The following RAB27B variants were observed in gnomAD, a reference collection of about 807,000 sequenced individuals.
The protein encoded by RAB27B is ras-related protein Rab-27B.
A neutral mutation model predicts 24.6 loss-of-function variants in RAB27B; 15 were observed. The ratio of observed to expected loss-of-function variants is 0.61; its 90% CI spans 0.41 to 0.94. The LOEUF (loss-of-function observed/expected upper bound fraction) is 0.94, where lower values mean the gene tolerates loss of function less well. RAB27B is among the 40% of genes least tolerant of loss of function. The pLI is 0.00. For missense variants in RAB27B, 261 were observed against 266.8 expected (o/e 0.98, Z 0.15); for synonymous variants, 105 against 92.5 (o/e 1.14, Z -0.78).
At chr18:54,878,742 A>T (rs1233704297) in intron 2 of RAB27B, among the ~76,000 whole-genome samples, 1 of 81,496 alleles carries the variant, frequency 1.2e-5, no homozygotes, top group Non-Finnish European at 2.8e-5. Flanking sequence ...TTAAACAATA[A>T]AAAGGCCAGA....
At chr18:54,734,129 C>CA in intron 2 of RAB27B, among the ~76,000 whole-genome samples, 1 of 152,218 alleles carries the variant, frequency 6.6e-6, no homozygotes, top group Admixed American at 6.5e-5. Flanking sequence ...CAAATAATCA[C>CA]AATTAAATTT....
At chr18:54,740,117 G>A (rs184602520) in intron 2 of RAB27B, among the ~76,000 whole-genome samples, 3 of 152,130 alleles carry the variant, frequency 2.0e-5, no homozygotes, top group Non-Finnish European at 2.9e-5. Flanking sequence ...TTTGTTCATG[G>A]TCTGGTAACA....
intron 2 of RAB27B, among the ~76,000 whole-genome samples, chr18:54,787,420 G>C (rs1909121739): frequency 6.6e-6 from 1 of 152,158 alleles, no homozygotes; most frequent in African/African-American, 2.4e-5. Context: ...AAGGAGCTCT[G>C]AGTAAACCAA....
intron 2 of RAB27B, among the ~76,000 whole-genome samples, chr18:54,816,962 T>C (rs1910140695): frequency 6.6e-6 from 1 of 152,228 alleles, no homozygotes; most frequent in South Asian, 2.1e-4. Flanking sequence ...ATGTATTTGC[T>C]ATAGACTATT....
intron 2 of RAB27B, among the ~76,000 whole-genome samples, chr18:54,788,231 T>C (rs187078750): frequency 8.5e-4 from 130 of 152,342 alleles, no homozygotes; most frequent in African/African-American, 3.1e-3. Context: ...TTAATATTTG[T>C]ATGAGTAATT....
intron 1 of RAB27B, among the ~76,000 whole-genome samples, chr18:54,842,178 A>G (rs1323790938): frequency 6.6e-6 from 1 of 152,234 alleles, no homozygotes; most frequent in African/African-American, 2.4e-5. Context: ...CCAAATGATA[A>G]TTTCAAGTCA....
intron 2 of RAB27B, among the ~76,000 whole-genome samples, chr18:54,805,905 C>A (rs575381054): frequency 5.9e-5 from 9 of 152,214 alleles, no homozygotes; most frequent in Non-Finnish European, 1.0e-4. Context: ...AATGCAAGTA[C>A]CACTCCATCA....
chr18:54,817,475 A>G (rs886744225), intron 2 of RAB27B, among the ~76,000 whole-genome samples: 1 of 152,176 alleles, frequency 6.6e-6, no homozygotes, highest in Non-Finnish European at 1.5e-5. Flanking sequence ...TCTACTACCA[A>G]TAAATATTTT....
intron 3 of RAB27B, among the ~76,000 whole-genome samples, chr18:54,883,225 A>G (rs1229267999): frequency 6.6e-6 from 1 of 152,138 alleles, no homozygotes; most frequent in Admixed American, 6.6e-5. Flanking sequence ...CTAATGTGAA[A>G]GGCAGGGAAC....
At chr18:54,748,029 C>T (rs2145025884) in intron 2 of RAB27B, among the ~76,000 whole-genome samples, 1 of 152,028 alleles carries the variant, frequency 6.6e-6, no homozygotes, top group East Asian at 1.9e-4. Flanking sequence ...TGACTTGAGC[C>T]CAGGGAAGTG....
intron 1 of RAB27B, among the ~76,000 whole-genome samples, chr18:54,852,816 A>C (rs1911638640): frequency 6.6e-6 from 1 of 152,220 alleles, no homozygotes; most frequent in Non-Finnish European, 1.5e-5. Context: ...AAAATGAAAG[A>C]ATTGACTTAA....
intron 1 of RAB27B, among the ~76,000 whole-genome samples, chr18:54,853,521 G>A (rs1414476451): frequency 6.6e-6 from 1 of 152,128 alleles, no homozygotes; most frequent in Non-Finnish European, 1.5e-5. Flanking sequence ...AAAAGATAAT[G>A]CTGTGACAGC....
At chr18:54,781,467 T>A (rs1351346438) in intron 2 of RAB27B, among the ~76,000 whole-genome samples, 1 of 152,066 alleles carries the variant, frequency 6.6e-6, no homozygotes, top group Non-Finnish European at 1.5e-5. Context: ...ACACTATAAA[T>A]CCTTTCTTCC....
intron 2 of RAB27B, among the ~76,000 whole-genome samples, chr18:54,805,477 C>A (rs868108389): frequency 6.6e-6 from 1 of 152,132 alleles, no homozygotes; most frequent in East Asian, 1.9e-4. Context: ...TTTCTAGGTA[C>A]ATATACAAAG....
chr18:54,863,208 G>A (rs534254126), intron 1 of RAB27B, among the ~76,000 whole-genome samples: 1 of 152,066 alleles, frequency 6.6e-6, no homozygotes, highest in Non-Finnish European at 1.5e-5. Flanking sequence ...GATTATTAAA[G>A]GTACATATGA....
At chr18:54,880,273 T>A (rs1244662054) in intron 3 of RAB27B, 1 of 152,186 alleles carries the variant, frequency 6.6e-6, no homozygotes, top group Non-Finnish European at 1.5e-5. Flanking sequence ...ACAGTAGTGT[T>A]AATTCCTTAG....
chr18:54,829,377 TC>T (rs1299514382), intron 1 of RAB27B, among the ~76,000 whole-genome samples: 5 of 152,204 alleles, frequency 3.3e-5, no homozygotes, highest in Admixed American at 2.6e-4. Context: ...GAGACTGCAT[TC>T]CTAGGAAAAA....
At chr18:54,745,840 ATAT>A (rs200994125) in intron 2 of RAB27B, among the ~76,000 whole-genome samples, 128 of 146,482 alleles carry the variant, frequency 8.7e-4, no homozygotes, top group African/African-American at 2.8e-3. Context: ...ATTATATTAT[ATAT>A]TATTATTTAT....
At chr18:54,820,852 A>T (rs1598930326) in intron 2 of RAB27B, among the ~76,000 whole-genome samples, 1 of 152,128 alleles carries the variant, frequency 6.6e-6, no homozygotes, top group African/African-American at 2.4e-5. Flanking sequence ...TAGTTTTCCC[A>T]GCACCATTTA....
Sources: gnomAD v4.1 joint callset for allele counts (sites outside exome capture counted in the v4.1 genomes callset) on GRCh38, gnomAD v4.1.1 for gene constraint, MANE v1.5 for transcripts, NCBI Gene and HGNC (gene_info 2026-07-23, HGNC 2026-07-21) for gene names.